MYT1L: variants seen among roughly 807,000 people sequenced by gnomAD.
The protein encoded by MYT1L is myelin transcription factor 1 like.
In MYT1L, 12 loss-of-function variants were observed where a neutral mutation model predicts 126.7. The observed-to-expected ratio is 0.09, with a 90% CI of 0.06 to 0.15. MYT1L has a LOEUF of 0.15. MYT1L is among the 10% of genes least tolerant of loss of function. The pLI is 1.00. For missense variants in MYT1L, 979 were observed against 1,585.2 expected, an observed-to-expected ratio of 0.62 and a Z score of 6.49; for synonymous variants, 541 against 604.2, an observed-to-expected ratio of 0.90 and a Z score of 1.53.
chr2:1,835,009 AC>A (rs1234350183), intron 21 of MYT1L, among the ~76,000 whole-genome samples: 2,432 of 126,796 alleles, frequency 0.019, 427 homozygotes, highest in African/African-American at 0.08. Context: ...GTACTCCTCC[AC>A]ATACCACGGG....
In MYT1L at chr2:2,322,655, C is replaced by T. The variant is rs186352701; in HGVS notation, c.-521+8312G>A. Reference sequence around the variant, plus strand: ...GAAGGCAGCCAGGCACAAAGAGCATCGTGGAGAAGGGGCTTTCAGGGATCT... The same window carrying T: ...GAAGGCAGCCAGGCACAAAGAGCATTGTGGAGAAGGGGCTTTCAGGGATCT... On this transcript the variant is annotated intron_variant, in intron 1 of 24. Coordinates refer to ENST00000647738, the MANE Select transcript of MYT1L (RefSeq NM_001303052.2). Among the ~76,000 whole-genome samples, 122 of 151,302 alleles carry T rather than the reference C, an allele frequency of 8.1e-4. 1 individual carries two copies. In the South Asian group the frequency reaches 9.6e-3, roughly 12 times the overall value.
intron 3 of MYT1L, among the ~76,000 whole-genome samples, chr2:2,161,453 T>C (rs991260836): frequency 6.6e-6 from 1 of 152,220 alleles, no homozygotes; most frequent in East Asian, 1.9e-4. Flanking sequence ...GGAAGAATGG[T>C]CGGGTATCAA....
chr2:2,249,158 T>A (rs1572834515), intron 2 of MYT1L, among the ~76,000 whole-genome samples: 1 of 151,886 alleles, frequency 6.6e-6, no homozygotes, highest in Admixed American at 6.6e-5. Context: ...CTAATAAATT[T>A]AAAAAATAAA....
chr2:1,886,170 G>C (rs1023980577), intron 18 of MYT1L: 1 of 169,944 alleles, frequency 5.9e-6, no homozygotes, highest in Non-Finnish European at 1.2e-5. Context: ...TGTAAATACT[G>C]CTATGAATTT....
chr2:2,073,846 G>A (rs11889369), intron 3 of MYT1L, among the ~76,000 whole-genome samples: 1 of 152,002 alleles, frequency 6.6e-6, no homozygotes, highest in African/African-American at 2.4e-5. Flanking sequence ...AAGGAAGGCC[G>A]CCTAACTTTC....
chr2:2,016,206 T>G (rs1369167432), intron 4 of MYT1L, among the ~76,000 whole-genome samples: 3 of 152,102 alleles, frequency 2.0e-5, no homozygotes, highest in African/African-American at 7.2e-5. Context: ...CTCTGGAGCT[T>G]AGATGCCCAG....
chr2:1,927,734 G>C (rs1051505390), intron 9 of MYT1L, among the ~76,000 whole-genome samples: 1 of 152,220 alleles, frequency 6.6e-6, no homozygotes, highest in African/African-American at 2.4e-5. Context: ...GACCTGGTCT[G>C]CAGGTGCACT....
At chr2:1,983,438 G>T (rs7605934) in intron 5 of MYT1L, among the ~76,000 whole-genome samples, 4,221 of 152,296 alleles carry the variant, frequency 0.028, 212 homozygotes, top group African/African-American at 0.094. Flanking sequence ...AGTGCCAATT[G>T]CCAGAAAGAT....
At chr2:2,211,250 A>G (rs1188660419) in intron 2 of MYT1L, among the ~76,000 whole-genome samples, 1 of 152,218 alleles carries the variant, frequency 6.6e-6, no homozygotes, top group Non-Finnish European at 1.5e-5. Context: ...AACATCCCTT[A>G]TAGCCAAAAT....
intron 3 of MYT1L, among the ~76,000 whole-genome samples, chr2:2,171,833 C>A (rs2090097209): frequency 6.6e-6 from 1 of 152,114 alleles, no homozygotes; most frequent in Non-Finnish European, 1.5e-5. Context: ...ATATGGAAGA[C>A]AATCCCAGCC....
At chr2:1,861,865 T>C (rs377234624) in intron 18 of MYT1L, among the ~76,000 whole-genome samples, 54 of 147,170 alleles carry the variant, frequency 3.7e-4, no homozygotes, top group South Asian at 1.1e-3. Context: ...ATCCTAGATC[T>C]GCCTGCAGCC....
intron 2 of MYT1L, among the ~76,000 whole-genome samples, chr2:2,256,521 T>C (rs534898122): frequency 2.2e-4 from 34 of 152,302 alleles, no homozygotes; most frequent in African/African-American, 7.5e-4. Flanking sequence ...GTCAAACATA[T>C]TTACTATCTG....
chr2:2,128,434 G>A (rs1233997055), intron 3 of MYT1L, among the ~76,000 whole-genome samples: 1 of 152,166 alleles, frequency 6.6e-6, no homozygotes, highest in Non-Finnish European at 1.5e-5. Flanking sequence ...TTACAGGCAT[G>A]AGCCACTACA....
At chr2:1,961,892 G>A (rs929778875) in intron 8 of MYT1L, among the ~76,000 whole-genome samples, 1 of 152,336 alleles carries the variant, frequency 6.6e-6, no homozygotes, top group East Asian at 1.9e-4. Flanking sequence ...GGTTAGATAG[G>A]TCAGTAGGGT....
At chr2:2,316,540 C>T (rs535664007) in intron 1 of MYT1L, among the ~76,000 whole-genome samples, 20 of 152,318 alleles carry the variant, frequency 1.3e-4, no homozygotes, top group Non-Finnish European at 1.9e-4. Flanking sequence ...CCCTGGCCTA[C>T]GTCCTGAGAA....
intron 5 of MYT1L, among the ~76,000 whole-genome samples, chr2:1,990,798 A>G (rs1439212859): frequency 6.6e-6 from 1 of 152,172 alleles, no homozygotes; most frequent in East Asian, 1.9e-4. Flanking sequence ...AGTCGTCTAG[A>G]GCCCTCAGCG....
intron 9 of MYT1L, among the ~76,000 whole-genome samples, chr2:1,933,397 GA>G (rs1396505049): frequency 1.3e-5 from 2 of 152,130 alleles, no homozygotes; most frequent in Admixed American, 6.5e-5. Flanking sequence ...ACTTGGGCCA[GA>G]AAAAAACGCA....
intron 2 of MYT1L, among the ~76,000 whole-genome samples, chr2:2,182,108 G>A (rs532213543): frequency 1.6e-4 from 24 of 152,032 alleles, no homozygotes; most frequent in South Asian, 1.0e-3. Context: ...CCATGGCCAC[G>A]GACAGCACGC....
intron 4 of MYT1L, among the ~76,000 whole-genome samples, chr2:2,025,107 C>G (rs1182435106): frequency 3.3e-5 from 5 of 152,190 alleles, no homozygotes; most frequent in African/African-American, 1.2e-4. Flanking sequence ...TAGGCAAACC[C>G]AATATAGATG....
Sources: allele counts gnomAD v4.1 joint callset (sites outside exome capture counted in the v4.1 genomes callset), GRCh38; gene constraint gnomAD v4.1.1; transcripts MANE v1.5; gene names NCBI Gene and HGNC (gene_info 2026-07-23, HGNC 2026-07-21).